CLSTN2: variants seen among roughly 807,000 people sequenced by gnomAD.
CLSTN2 encodes the protein calsyntenin-2.
Under a neutral mutation model 101.2 loss-of-function variants are expected in CLSTN2, and 48 were observed. The ratio of observed to expected loss-of-function variants is 0.47; its 90% CI spans 0.38 to 0.60. The LOEUF (loss-of-function observed/expected upper bound fraction) is 0.60. Ranked by LOEUF, CLSTN2 falls within the 20% of genes least tolerant of loss-of-function variation. The probability of loss-of-function intolerance (pLI) is 0.00; values close to 1 mark genes in which losing one functional copy is unlikely to be tolerated. For synonymous variants in CLSTN2, 481 were observed against 463.6 expected (o/e 1.04, Z -0.48); for missense variants, 1,160 against 1,238.2 (o/e 0.94, Z 0.95).
intron 7 of CLSTN2, among the ~76,000 whole-genome samples, chr3:140,466,262 A>ACCCT (rs1168562623): frequency 3.3e-5 from 5 of 152,166 alleles, no homozygotes; most frequent in African/African-American, 1.2e-4. Context: ...AGCTCCCTAA[A>ACCCT]CCCTCCAGAA....
Position 140,403,561 on chromosome 3 carries a change from A to G in CLSTN2, c.233-68A>G, listed in dbSNP as rs2088267754. 21 of 1,334,394 alleles carry G rather than the reference A, an allele frequency of 1.6e-5. 1 individual carries two copies. In the South Asian group the frequency reaches 2.8e-4, roughly 18 times the overall value. The allele number at this position is 1,334,394 out of a possible 1,614,324, so 82.7% of individuals were successfully genotyped here. ...GGCTTTGAGTTTGTGAATCTGGTCCAATGGAAGCACTGTCTTCAGTCTGGC... is the reference window on the plus strand; with the variant it reads ...GGCTTTGAGTTTGTGAATCTGGTCCGATGGAAGCACTGTCTTCAGTCTGGC... On this transcript the variant is annotated intron_variant, in intron 2 of 16. Transcript: ENST00000458420.
intron 1 of CLSTN2, among the ~76,000 whole-genome samples, chr3:140,175,044 A>T (rs1343585564): frequency 6.6e-6 from 1 of 152,182 alleles, no homozygotes; most frequent in Admixed American, 6.5e-5. Context: ...AGATTCTCTC[A>T]GTATACATAT....
intron 1 of CLSTN2, among the ~76,000 whole-genome samples, chr3:140,158,872 C>A (rs2010001087): frequency 6.6e-6 from 1 of 152,124 alleles, no homozygotes; most frequent in Non-Finnish European, 1.5e-5. Flanking sequence ...GGATATAAAG[C>A]CGCACAGGTA....
At chr3:140,023,519 T>C (rs1219644661) in intron 1 of CLSTN2, among the ~76,000 whole-genome samples, 1 of 152,144 alleles carries the variant, frequency 6.6e-6, no homozygotes, top group Admixed American at 6.6e-5. Context: ...GAACGCACTT[T>C]CCTTGAGTTT....
At chr3:139,969,838 G>T (rs1935663850) in intron 1 of CLSTN2, among the ~76,000 whole-genome samples, 1 of 152,140 alleles carries the variant, frequency 6.6e-6, no homozygotes, top group Non-Finnish European at 1.5e-5. Context: ...CTTAAACCCT[G>T]TACCCCTTTG....
intron 1 of CLSTN2, among the ~76,000 whole-genome samples, chr3:140,038,180 C>T (rs917902525): frequency 1.3e-5 from 2 of 152,126 alleles, no homozygotes; most frequent in African/African-American, 4.8e-5. Context: ...AAAAGCATTC[C>T]TTTTTCACTG....
At chr3:140,143,571 G>C (rs1008282882) in intron 1 of CLSTN2, among the ~76,000 whole-genome samples, 10 of 152,158 alleles carry the variant, frequency 6.6e-5, no homozygotes, top group African/African-American at 2.2e-4. Context: ...TGGTTTACGA[G>C]CTATCTGTAC....
At chr3:140,417,749 C>T (rs1191396329) in intron 4 of CLSTN2, among the ~76,000 whole-genome samples, 1 of 152,166 alleles carries the variant, frequency 6.6e-6, no homozygotes, top group Non-Finnish European at 1.5e-5. Context: ...AGAAGCAAAA[C>T]AGGTGACTTT....
chr3:140,563,896 G>A (rs1340412064), intron 15 of CLSTN2, 65 bp from the exon 16 acceptor site: 2 of 1,515,746 alleles, frequency 1.3e-6, no homozygotes, highest in East Asian at 2.3e-5. Context: ...TTTCATTCAT[G>A]CTCCCTCACA....
At chr3:140,131,157 A>G (rs1446977553) in intron 1 of CLSTN2, among the ~76,000 whole-genome samples, 2 of 151,828 alleles carry the variant, frequency 1.3e-5, no homozygotes, top group African/African-American at 4.8e-5. Flanking sequence ...CATTTAGTGT[A>G]TTAAAAAAAA....
Position 140,496,760 on chromosome 3 carries a change from G to T in CLSTN2, c.1344+30029G>T, listed in dbSNP as rs140146753. Among the ~76,000 whole-genome samples the T allele has an allele frequency of 9.3e-3, 1,423 of 152,250 alleles. 25 individuals carry two copies. The highest frequency in any genetic ancestry group is 0.032 in the African/African-American group (1,343 of 41,540). On this transcript the variant is annotated intron_variant, in intron 8 of 16. Transcript: ENST00000458420. ...CTGTAGGGGGTGTCTGGAGACCCCT[G>T]TTGGGAGGTCTCACCCAGTCAGGAA...
intron 1 of CLSTN2, among the ~76,000 whole-genome samples, chr3:139,996,023 C>T (rs1247999626): frequency 1.3e-5 from 2 of 152,220 alleles, no homozygotes; most frequent in Non-Finnish European, 2.9e-5. Flanking sequence ...TAGTAACTTA[C>T]ATCTACCCAT....
chr3:140,418,490 G>A (rs1423802203), intron 4 of CLSTN2, among the ~76,000 whole-genome samples: 1 of 128,790 alleles, frequency 7.8e-6, no homozygotes, highest in South Asian at 2.3e-4. Context: ...GATTATTCTA[G>A]TTCTTTCTTT....
intron 2 of CLSTN2, among the ~76,000 whole-genome samples, chr3:140,317,051 G>C (rs1182228957): frequency 6.6e-6 from 1 of 152,164 alleles, no homozygotes; most frequent in Admixed American, 6.6e-5. Context: ...TCATAATAAA[G>C]TGAATCATCA....
chr3:140,549,593 A>G (rs1398528213), intron 10 of CLSTN2, among the ~76,000 whole-genome samples: 3 of 150,602 alleles, frequency 2.0e-5, no homozygotes, highest in Non-Finnish European at 4.4e-5. Context: ...CCCCATTTCA[A>G]AACTAAGGGG....
At chr3:140,227,821 G>A (rs1459087006) in intron 2 of CLSTN2, among the ~76,000 whole-genome samples, 1 of 152,210 alleles carries the variant, frequency 6.6e-6, no homozygotes, top group African/African-American at 2.4e-5. Context: ...ACCCTCTGAA[G>A]TAACAGGCTG....
At chr3:140,271,878 CA>C (rs1279740790) in intron 2 of CLSTN2, among the ~76,000 whole-genome samples, 1 of 152,220 alleles carries the variant, frequency 6.6e-6, no homozygotes, top group Non-Finnish European at 1.5e-5. Context: ...TGTAGGTTCT[CA>C]GCTAATGTGC....
chr3:140,094,733 G>C (rs373615791), intron 1 of CLSTN2, among the ~76,000 whole-genome samples: 36 of 152,302 alleles, frequency 2.4e-4, no homozygotes, highest in African/African-American at 8.7e-4. Context: ...TGGAAAAAAA[G>C]CAGACAAGAG....
At chr3:139,982,905 A>G (rs1383928159) in intron 1 of CLSTN2, among the ~76,000 whole-genome samples, 2 of 151,624 alleles carry the variant, frequency 1.3e-5, no homozygotes, top group African/African-American at 4.8e-5. Flanking sequence ...ATAGATTACA[A>G]AGGGTATTAC....
Sources: allele counts gnomAD v4.1 joint callset (sites outside exome capture counted in the v4.1 genomes callset), GRCh38; gene constraint gnomAD v4.1.1; transcripts MANE v1.5; gene names NCBI Gene and HGNC (gene_info 2026-07-23, HGNC 2026-07-21).